Variants in PLD5 observed in about 807,000 individuals in gnomAD.
The protein encoded by PLD5 is inactive phospholipase D5.
In PLD5, 36 loss-of-function variants were observed where a neutral mutation model predicts 61.1. The ratio of observed to expected loss-of-function variants is 0.59; its 90% CI spans 0.45 to 0.78. The LOEUF (loss-of-function observed/expected upper bound fraction) is 0.78. Among genes scored for constraint, PLD5 ranks in the 30% least tolerant of loss-of-function variants. The pLI, the probability that PLD5 is intolerant of heterozygous loss-of-function variation, is 0.00. For synonymous variants in PLD5, 243 were observed against 242.8 expected, an observed-to-expected ratio of 1.00 and a Z score of -0.01; for missense variants, 515 against 644.4, an observed-to-expected ratio of 0.80 and a Z score of 2.17.
At chr1:242,485,914 A>G (rs1426731736) in intron 1 of PLD5, among the ~76,000 whole-genome samples, 7 of 152,226 alleles carry the variant, frequency 4.6e-5, no homozygotes, top group Admixed American at 3.9e-4. Context: ...AATGACACAT[A>G]TCTACAACTA....
intron 1 of PLD5, among the ~76,000 whole-genome samples, chr1:242,486,479 A>G (rs1176759017): frequency 6.6e-6 from 1 of 152,174 alleles, no homozygotes; most frequent in Non-Finnish European, 1.5e-5. Flanking sequence ...ATCACTGGCC[A>G]TCAGAGAAAT....
chr1:242,450,162 T>A (rs1048811906), intron 1 of PLD5, among the ~76,000 whole-genome samples: 1 of 152,204 alleles, frequency 6.6e-6, no homozygotes, highest in Non-Finnish European at 1.5e-5. Flanking sequence ...TAAAAATTTA[T>A]CTCAGAAGAA....
At position 242,396,678 on chromosome 1, in the gene PLD5, T is replaced by C. The variant is rs368769075; in HGVS notation, c.190-48436A>G. On this transcript the variant is annotated intron_variant, in intron 1 of 9. Transcript: ENST00000536534. ...TTCTTTCTTTCTTTTCTTTTCTTTTTTTTTTTTTTTTTTGAGACGGAGTCT... is the reference window on the plus strand; with the variant it reads ...TTCTTTCTTTCTTTTCTTTTCTTTTCTTTTTTTTTTTTTGAGACGGAGTCT... 6.1e-3 allele frequency among the ~76,000 whole-genome samples: 881 copies of C among 143,648 alleles called. 7 individuals carry two copies. The highest frequency in any genetic ancestry group is 0.015 in the African/African-American group (570 of 38,064). The allele number at this position is 143,648 out of a possible 152,430, so 94.2% of individuals were successfully genotyped here.
At chr1:242,321,722 A>G (rs1232460856) in intron 2 of PLD5, among the ~76,000 whole-genome samples, 3 of 152,162 alleles carry the variant, frequency 2.0e-5, no homozygotes, top group East Asian at 3.8e-4. Flanking sequence ...CTGTACATCA[A>G]GATGATATAT....
chr1:242,158,738 C>A (rs1665589859), intron 5 of PLD5, among the ~76,000 whole-genome samples: 1 of 152,168 alleles, frequency 6.6e-6, no homozygotes, highest in African/African-American at 2.4e-5. Flanking sequence ...CTGGGAGCTG[C>A]AGACTGCAGC....
At chr1:242,265,530 A>C in intron 3 of PLD5, 82 bp from the exon 4 acceptor site, 2 of 1,172,438 alleles carry the variant, frequency 1.7e-6, no homozygotes, top group Non-Finnish European at 2.4e-6. Context: ...AACTCATTAA[A>C]ATTAATCTAT....
At chr1:242,267,588 A>G (rs1673763300) in intron 3 of PLD5, among the ~76,000 whole-genome samples, 2 of 152,164 alleles carry the variant, frequency 1.3e-5, no homozygotes, top group South Asian at 4.1e-4. Context: ...TTAACTCCTT[A>G]TTTAAAAAAG....
chr1:242,348,906 T>C (rs1315699200), intron 1 of PLD5, among the ~76,000 whole-genome samples: 1 of 152,054 alleles, frequency 6.6e-6, no homozygotes, highest in Non-Finnish European at 1.5e-5. Flanking sequence ...TACAAAAAAT[T>C]AGCTGGGCGT....
chr1:242,151,821 ATTTTT>A (rs962774917), intron 5 of PLD5, among the ~76,000 whole-genome samples: 1 of 151,822 alleles, frequency 6.6e-6, no homozygotes, highest in African/African-American at 2.4e-5. Flanking sequence ...CTGTTCTTGT[ATTTTT>A]TTCTTTTTCT....
At chr1:242,509,096 G>A (rs574042962) in intron 1 of PLD5, among the ~76,000 whole-genome samples, 1 of 151,452 alleles carries the variant, frequency 6.6e-6, no homozygotes, top group Non-Finnish European at 1.5e-5. Context: ...AAATAAATAG[G>A]CTGGGAGTGG....
intron 2 of PLD5, among the ~76,000 whole-genome samples, chr1:242,307,341 A>ATGATGTCGG (rs1676431858): frequency 6.7e-6 from 1 of 148,608 alleles, no homozygotes; most frequent in Non-Finnish European, 1.5e-5. Context: ...TAGCAAAACG[A>ATGATGTCGG]TGATGACGGT....
Position 242,524,282 on chromosome 1 carries a change from C to T in PLD5, c.-6G>A. The T allele has an allele frequency of 7.1e-7, 1 of 1,402,888 alleles. No homozygotes were observed. Among genetic ancestry groups the T allele is most frequent in the East Asian group, 3.0e-5 (1 of 33,204 alleles). The allele number at this position is 1,402,888 out of a possible 1,614,324, so 86.9% of individuals were successfully genotyped here. A position where few individuals can be genotyped will look rare whatever the true frequency, so the allele number is the denominator to read the frequency against. Reference sequence around the variant, plus strand: ...TCGTGCTGCCGGATCTCCATCCTGACATGACCGGGCGGCCGCCGGCGAGCA... The same window carrying T: ...TCGTGCTGCCGGATCTCCATCCTGATATGACCGGGCGGCCGCCGGCGAGCA... On this transcript the variant is annotated 5_prime_UTR_variant, in exon 1 of 10. An upstream start codon of the reference 5' UTR is lost. Transcript: ENST00000536534.
intron 2 of PLD5, among the ~76,000 whole-genome samples, chr1:242,319,962 A>G (rs1658276182): frequency 6.6e-6 from 1 of 152,164 alleles, no homozygotes; most frequent in Non-Finnish European, 1.5e-5. Context: ...TCTTTCCCCC[A>G]ATACCTGCTT....
chr1:242,522,274 C>T (rs1206718474), intron 1 of PLD5, among the ~76,000 whole-genome samples: 1 of 152,138 alleles, frequency 6.6e-6, no homozygotes, highest in Non-Finnish European at 1.5e-5. Context: ...AAGAAGAAAG[C>T]ATAGATGCTC....
intron 1 of PLD5, among the ~76,000 whole-genome samples, chr1:242,406,962 GT>G (rs1187477474): frequency 6.6e-6 from 1 of 152,042 alleles, no homozygotes; most frequent in Non-Finnish European, 1.5e-5. Flanking sequence ...CCTACTTTTT[GT>G]TTCTGCAATG....
intron 1 of PLD5, among the ~76,000 whole-genome samples, chr1:242,354,533 C>A (rs1279335271): frequency 6.6e-6 from 1 of 152,176 alleles, no homozygotes; most frequent in Non-Finnish European, 1.5e-5. Flanking sequence ...CTGGACTAAG[C>A]CCCAATCTGG....
intron 5 of PLD5, among the ~76,000 whole-genome samples, chr1:242,136,846 T>C (rs1663768049): frequency 6.6e-6 from 1 of 152,218 alleles, no homozygotes; most frequent in Admixed American, 6.5e-5. Flanking sequence ...TTTCAGTTAA[T>C]GGAAGGAAGT....
At chr1:242,326,880 T>C (rs895863572) in intron 2 of PLD5, among the ~76,000 whole-genome samples, 2 of 151,950 alleles carry the variant, frequency 1.3e-5, no homozygotes, top group African/African-American at 4.8e-5. Context: ...CTTTTTTTTT[T>C]TCCGAGACAG....
At position 242,202,929 on chromosome 1, in the gene PLD5, G is replaced by T. The variant is rs114431810; in HGVS notation, c.735+17059C>A. ...GCGGGGATGCCAGGTGTGAGAGGGGGTCTTTGTTTACCCGAGAGACCGAAT... is the reference window on the plus strand; with the variant it reads ...GCGGGGATGCCAGGTGTGAGAGGGGTTCTTTGTTTACCCGAGAGACCGAAT... On this transcript the variant is annotated intron_variant, in intron 5 of 9. Transcript: ENST00000536534. Among the ~76,000 whole-genome samples the T allele has an allele frequency of 3.8e-3, 579 of 152,146 alleles. 5 individuals carry two copies. The highest frequency in any genetic ancestry group is 0.013 in the African/African-American group (548 of 41,512).
Sources: allele counts gnomAD v4.1 joint callset (sites outside exome capture counted in the v4.1 genomes callset), GRCh38; gene constraint gnomAD v4.1.1; transcripts MANE v1.5; gene names NCBI Gene and HGNC (gene_info 2026-07-23, HGNC 2026-07-21).